The following SEMA3D variants were observed in gnomAD, a reference collection of about 807,000 sequenced individuals.
SEMA3D encodes the protein semaphorin 3D, also known as semaphorin-3D.
Under a neutral mutation model 100.1 loss-of-function variants are expected in SEMA3D, and 84 were observed. The observed-to-expected ratio is 0.84, with a 90% CI of 0.70 to 1.01. SEMA3D has a LOEUF of 1.01. Among genes scored for constraint, SEMA3D ranks in the 50% least tolerant of loss-of-function variants. The pLI is 0.00. For synonymous variants in SEMA3D, 312 were observed against 320.7 expected (o/e 0.97, Z 0.29); for missense variants, 875 against 934.1 (o/e 0.94, Z 0.82).
intron 2 of SEMA3D, among the ~76,000 whole-genome samples, chr7:85,122,547 A>G (rs1789459342): frequency 6.6e-6 from 1 of 152,176 alleles, no homozygotes; most frequent in South Asian, 2.1e-4. Context: ...ATCAGACGAG[A>G]CCACTTTCAC....
rs1050712761 is a variant in SEMA3D at position 84,996,980 on chromosome 7, TATAA to T, written c.*2456_*2459del. The T allele has an allele frequency of 6.6e-6, 1 of 151,878 alleles. No homozygotes were observed. The highest frequency in any genetic ancestry group is 2.4e-5 in the African/African-American group (1 of 41,432). The allele number at this position is 151,878 out of a possible 1,614,324, so 9.4% of individuals were successfully genotyped here. ...GATATTCTTTATCTTTAAAAATACA[TATAA>T]ATATGTGTACTCTATGTTGTTTTTT... On this transcript the variant is annotated 3_prime_UTR_variant, in exon 19 of 19. Coordinates refer to ENST00000284136, the MANE Select transcript of SEMA3D (RefSeq NM_001384900.1).
intron 5 of SEMA3D, 65 bp from the exon 6 acceptor site, chr7:85,073,146 G>A: frequency 6.9e-7 from 1 of 1,438,944 alleles, no homozygotes; most frequent in East Asian, 2.3e-5. Context: ...TATCATTTAT[G>A]CCACCTGTTT....
chr7:85,223,682 T>G, the SEMA3D span, among the ~76,000 whole-genome samples: 1 of 151,992 alleles, frequency 6.6e-6, no homozygotes, highest in Non-Finnish European at 1.5e-5. Flanking sequence ...CCAAACATTG[T>G]ATGTCCTCAC....
chr7:85,248,311 A>G, the SEMA3D span, among the ~76,000 whole-genome samples: 1 of 152,152 alleles, frequency 6.6e-6, no homozygotes, highest in Admixed American at 6.5e-5. Flanking sequence ...AAAACTTAGA[A>G]CAGTGACACC....
intron 12 of SEMA3D, chr7:85,029,052 C>A: frequency 2.0e-6 from 1 of 496,136 alleles, no homozygotes; most frequent in South Asian, 1.9e-5. Context: ...CTGATGGAGT[C>A]ATGGCTGTCC....
At chr7:85,174,144 G>A (rs1165112057) in intron 1 of SEMA3D, among the ~76,000 whole-genome samples, 1 of 152,096 alleles carries the variant, frequency 6.6e-6, no homozygotes, top group Non-Finnish European at 1.5e-5. Context: ...TTAAGCATAG[G>A]CTGTGAGAAA....
At chr7:85,028,759 G>T (rs1302401372) in intron 12 of SEMA3D, 2 of 201,460 alleles carry the variant, frequency 9.9e-6, no homozygotes, top group Non-Finnish European at 2.0e-5. Context: ...AGCCTGTTCT[G>T]TGGCATTCTG....
chr7:85,195,821 G>C, the SEMA3D span, among the ~76,000 whole-genome samples: 1 of 152,040 alleles, frequency 6.6e-6, no homozygotes, highest in Non-Finnish European at 1.5e-5. Context: ...ACTAACCCTT[G>C]AATTTTGAGA....
chr7:85,015,229 C>T lies in SEMA3D; in HGVS notation c.1546-13G>A. The T allele has an allele frequency of 6.2e-7, 1 of 1,600,050 alleles. No homozygotes were observed. The highest frequency in any genetic ancestry group is 2.3e-5 in the East Asian group (1 of 44,440). On this transcript the variant is annotated splice_polypyrimidine_tract_variant and intron_variant, in intron 15 of 18. Transcript: ENST00000284136. The stretch of plus-strand genomic sequence containing the variant: ...TGTACAATTGTTGCTGCAAATCGGG[C>T]AAAACAAATGAATTAGAAGCATCTT...
chr7:85,008,425 T>C (rs1789860086), intron 17 of SEMA3D, among the ~76,000 whole-genome samples: 1 of 151,914 alleles, frequency 6.6e-6, no homozygotes, highest in Non-Finnish European at 1.5e-5. Flanking sequence ...TGAAAATGAA[T>C]TTATTGTTAC....
chr7:85,014,167 A>G (rs555524466), intron 16 of SEMA3D, among the ~76,000 whole-genome samples: 1 of 151,956 alleles, frequency 6.6e-6, no homozygotes, highest in African/African-American at 2.4e-5. Flanking sequence ...TTCCAAAAAG[A>G]AAAAAGTGTA....
chr7:85,071,804 G>A (rs1401218302), intron 6 of SEMA3D, among the ~76,000 whole-genome samples: 3 of 152,184 alleles, frequency 2.0e-5, no homozygotes, highest in Admixed American at 1.3e-4. Flanking sequence ...GTAATCTCAT[G>A]GAGCTACCAT....
At chr7:85,028,722 G>T (rs1584534836) in intron 12 of SEMA3D, 2 of 195,414 alleles carry the variant, frequency 1.0e-5, no homozygotes, top group Non-Finnish European at 2.1e-5. Context: ...TCCATTAATT[G>T]TGCCCAATTT....
intron 1 of SEMA3D, chr7:85,157,775 G>C (rs1304691461): frequency 4.2e-6 from 1 of 235,434 alleles, no homozygotes; most frequent in African/African-American, 2.3e-5. Context: ...GTCGCCCAAA[G>C]CACATGGATT....
the SEMA3D span, among the ~76,000 whole-genome samples, chr7:85,203,803 A>AG: frequency 1.3e-5 from 2 of 151,922 alleles, no homozygotes; most frequent in East Asian, 1.9e-4. Flanking sequence ...AGAGAAATAC[A>AG]GGGGGAAAAC....
At chr7:85,114,761 A>G (rs751676914) in intron 3 of SEMA3D, among the ~76,000 whole-genome samples, 4 of 152,204 alleles carry the variant, frequency 2.6e-5, no homozygotes, top group East Asian at 3.8e-4. Flanking sequence ...AATTCTCCTT[A>G]TATATAAGAA....
chr7:85,047,330 T>C (rs1314645896), intron 9 of SEMA3D, among the ~76,000 whole-genome samples: 2 of 151,840 alleles, frequency 1.3e-5, no homozygotes, highest in Non-Finnish European at 2.9e-5. Context: ...CAGGGTAATA[T>C]GGCATTATAT....
At chr7:85,024,697 C>T (rs1389340502) in intron 12 of SEMA3D, among the ~76,000 whole-genome samples, 2 of 151,930 alleles carry the variant, frequency 1.3e-5, no homozygotes, top group Non-Finnish European at 2.9e-5. Flanking sequence ...GATCTTTATC[C>T]TCTCAATTGC....
the SEMA3D span, among the ~76,000 whole-genome samples, chr7:85,232,462 G>A: frequency 2.6e-5 from 4 of 152,226 alleles, no homozygotes; most frequent in Non-Finnish European, 5.9e-5. Context: ...GGTGGTGGCA[G>A]TGTAGAAAGA....
Sources: allele counts gnomAD v4.1 joint callset (sites outside exome capture counted in the v4.1 genomes callset), GRCh38; gene constraint gnomAD v4.1.1; transcripts MANE v1.5; gene names NCBI Gene and HGNC (gene_info 2026-07-23, HGNC 2026-07-21).